Variants in SOX6 observed in about 807,000 individuals in gnomAD.
SOX6 encodes transcription factor SOX-6.
In SOX6, 11 loss-of-function variants were observed where a neutral mutation model predicts 97.8. The ratio of observed to expected loss-of-function variants is 0.11; its 90% CI spans 0.07 to 0.19. The LOEUF is 0.19. SOX6 is among the 10% of genes least tolerant of loss of function. The probability of loss-of-function intolerance (pLI) is 1.00; values close to 1 mark genes in which losing one functional copy is unlikely to be tolerated. For missense variants in SOX6, 810 were observed against 1,039.5 expected, an observed-to-expected ratio of 0.78 and a Z score of 3.04; for synonymous variants, 360 against 371.4, an observed-to-expected ratio of 0.97 and a Z score of 0.35.
chr11:16,327,328 T>C (rs1244818134), intron 2 of SOX6, among the ~76,000 whole-genome samples: 2 of 152,162 alleles, frequency 1.3e-5, no homozygotes, highest in African/African-American at 4.8e-5. Flanking sequence ...TAAATACAAA[T>C]GTCCTTTGTC....
rs530828154 is a variant in SOX6 at position 16,556,166 on chromosome 11, G to A, written n.609+55915C>T. 5.9e-5 allele frequency among the ~76,000 whole-genome samples: 9 copies of A among 151,638 alleles called. No homozygotes were observed. In the South Asian group the frequency reaches 6.2e-4, roughly 10 times the overall value. On this transcript the variant is annotated intron_variant and non_coding_transcript_variant, in intron 4 of 5. Coordinates refer to the SOX6 transcript ENST00000524520. ...AGTAACACATTCAAGTTGCCAGAAC[G>A]GCTGGAGATATTACTCAGTCATAAT...
chr11:15,993,627 G>C (rs1031649746), intron 13 of SOX6, among the ~76,000 whole-genome samples: 2 of 152,154 alleles, frequency 1.3e-5, no homozygotes, highest in African/African-American at 4.8e-5. Context: ...GCCAGGAGAG[G>C]CTGCTCTGTA....
intron 4 of SOX6, among the ~76,000 whole-genome samples, chr11:16,532,636 G>T (rs1186458761): frequency 6.6e-6 from 1 of 151,814 alleles, no homozygotes; most frequent in Non-Finnish European, 1.5e-5. Context: ...GTAATTGAAG[G>T]AAAATACTTT....
intron 13 of SOX6, among the ~76,000 whole-genome samples, chr11:15,997,042 G>A (rs1854246765): frequency 6.6e-6 from 1 of 152,120 alleles, no homozygotes; most frequent in Non-Finnish European, 1.5e-5. Flanking sequence ...TGGACTGAAA[G>A]AGGAGATTTC....
intron 3 of SOX6, among the ~76,000 whole-genome samples, chr11:16,680,426 T>C (rs111470963): frequency 0.011 from 1,691 of 152,190 alleles, 24 homozygotes; most frequent in African/African-American, 0.039. Flanking sequence ...TTTGTAACCA[T>C]CAGGACTGCC....
chr11:16,162,145 AT>A (rs924094029), intron 6 of SOX6, among the ~76,000 whole-genome samples: 1 of 152,188 alleles, frequency 6.6e-6, no homozygotes, highest in Admixed American at 6.5e-5. Context: ...AAATTTCCAA[AT>A]TTTTACCCAG....
At position 16,365,754 on chromosome 11, in the gene SOX6, C is replaced by T. The variant is rs533311010; in HGVS notation, c.-4-24502G>A. On this transcript the variant is annotated intron_variant, in intron 1 of 15. Transcript: ENST00000396356. ...ATGCTCGTCTTAACAATATATTATG[C>T]TGTTTGGTGTCATGTTGACATCCTG... 2.0e-5 allele frequency among the ~76,000 whole-genome samples: 3 copies of T among 152,200 alleles called. No homozygotes were observed. In the South Asian group the frequency reaches 6.2e-4, roughly 32 times the overall value.
chr11:16,206,709 A>G (rs1852081246), intron 4 of SOX6, among the ~76,000 whole-genome samples: 1 of 152,236 alleles, frequency 6.6e-6, no homozygotes, highest in Admixed American at 6.5e-5. Flanking sequence ...TGTCTATATT[A>G]AAATCTATTT....
intron 1 of SOX6, among the ~76,000 whole-genome samples, chr11:16,414,499 A>G (rs930818735): frequency 2.6e-5 from 4 of 152,168 alleles, no homozygotes; most frequent in Admixed American, 2.0e-4. Flanking sequence ...CTGAGTGCCT[A>G]CTGAATAATG....
chr11:16,307,801 G>A (rs1855483950), intron 3 of SOX6, among the ~76,000 whole-genome samples: 1 of 152,108 alleles, frequency 6.6e-6, no homozygotes, highest in Admixed American at 6.5e-5. Flanking sequence ...TTTCACAGTT[G>A]TTCTTCATTA....
At chr11:16,451,419 T>C (rs189545164) in intron 1 of SOX6, among the ~76,000 whole-genome samples, 92 of 152,250 alleles carry the variant, frequency 6.0e-4, no homozygotes, top group Admixed American at 3.5e-3. Context: ...CAACTGAAGA[T>C]TGGATGTCTG....
intron 4 of SOX6, among the ~76,000 whole-genome samples, chr11:16,195,314 T>C (rs1328142602): frequency 1.3e-5 from 2 of 152,172 alleles, no homozygotes; most frequent in Admixed American, 1.3e-4. Flanking sequence ...CTTCTGATTT[T>C]TAATCCAAGC....
chr11:16,299,971 G>A lies in SOX6; in HGVS notation c.445+18475C>T, dbSNP rs548603939. On this transcript the variant is annotated intron_variant, in intron 3 of 15. Transcript: ENST00000683767. ...ATTCTGTTTCCTTAATGTGAAATTT[G>A]TTTGGGGTTAATTAGCACGGCTGAG... 6.6e-4 allele frequency among the ~76,000 whole-genome samples: 100 copies of A among 150,958 alleles called. 1 individual carries two copies. Among genetic ancestry groups the A allele is most frequent in the Non-Finnish European group, 1.0e-3 (67 of 67,292 alleles).
intron 4 of SOX6, among the ~76,000 whole-genome samples, chr11:16,583,640 C>CATATGTATATATATATATAT (rs1342015213): frequency 4.3e-5 from 4 of 92,794 alleles, no homozygotes; most frequent in Non-Finnish European, 7.5e-5. Flanking sequence ...TATATATACA[C>CATATGTATATATATATATAT]ATACACACAC....
At chr11:16,558,706 T>C (rs1028264668) in intron 4 of SOX6, among the ~76,000 whole-genome samples, 4 of 151,992 alleles carry the variant, frequency 2.6e-5, no homozygotes, top group African/African-American at 4.8e-5. Flanking sequence ...AGTCCAAGGA[T>C]TGAATGAACT....
At chr11:16,003,523 C>T (rs1382003149) in intron 13 of SOX6, among the ~76,000 whole-genome samples, 2 of 151,966 alleles carry the variant, frequency 1.3e-5, no homozygotes, top group Non-Finnish European at 2.9e-5. Context: ...CTATGTACCC[C>T]AAAACAGTGG....
chr11:16,286,615 G>A (rs1854751632), intron 3 of SOX6, among the ~76,000 whole-genome samples: 1 of 152,164 alleles, frequency 6.6e-6, no homozygotes, highest in East Asian at 1.9e-4. Context: ...GTGTAGTGGT[G>A]TCTTATAAAA....
chr11:15,994,065 T>C (rs1854148447), intron 13 of SOX6, among the ~76,000 whole-genome samples: 2 of 152,224 alleles, frequency 1.3e-5, no homozygotes, highest in Non-Finnish European at 1.5e-5. Context: ...GTACCCAGCA[T>C]TGTGATGGGG....
Position 16,393,552 on chromosome 11 carries a change from A to G in SOX6, c.-4-52300T>C, listed in dbSNP as rs74732590. ...TTGGCTGTCTACCCAAGAAGCTACT[A>G]TCTTCTGCCTTATCACATGGCTTCA... is the stretch of plus-strand genomic sequence containing the variant. On this transcript the variant is annotated intron_variant, in intron 1 of 15. Coordinates refer to the SOX6 transcript ENST00000396356. 7.2e-3 allele frequency among the ~76,000 whole-genome samples: 1,101 copies of G among 152,202 alleles called. 17 individuals are homozygous for G. The highest frequency in any genetic ancestry group is 0.024 in the African/African-American group (985 of 41,562).
Sources: allele counts gnomAD v4.1 joint callset (sites outside exome capture counted in the v4.1 genomes callset), GRCh38; gene constraint gnomAD v4.1.1; transcripts MANE v1.5; gene names NCBI Gene and HGNC (gene_info 2026-07-23, HGNC 2026-07-21).